The following ADCY1 variants were observed in gnomAD, a reference collection of about 807,000 sequenced individuals.
ADCY1 encodes adenylate cyclase type 1.
A neutral mutation model predicts 105.4 loss-of-function variants in ADCY1; 28 were observed. That is an observed-to-expected ratio of 0.27 (90% CI 0.20 to 0.36). The LOEUF is 0.36. Ranked by LOEUF, ADCY1 falls within the 10% of genes least tolerant of loss-of-function variation. The probability of loss-of-function intolerance (pLI) is 1.00; values close to 1 mark genes in which losing one functional copy is unlikely to be tolerated. For synonymous variants in ADCY1, 655 were observed against 623.8 expected, an observed-to-expected ratio of 1.05 and a Z score of -0.75; for missense variants, 977 against 1,434.2, an observed-to-expected ratio of 0.68 and a Z score of 5.15.
chr7:45,639,479 G>A (rs574635101), intron 4 of ADCY1, among the ~76,000 whole-genome samples: 27 of 152,278 alleles, frequency 1.8e-4, no homozygotes, highest in Non-Finnish European at 3.8e-4. Flanking sequence ...AAGACTGTGG[G>A]GCAGCATGGA....
intron 3 of ADCY1, among the ~76,000 whole-genome samples, chr7:45,611,081 G>GGGTGATGGTGGAGGTGGGGA (rs1793573935): frequency 6.2e-5 from 8 of 129,338 alleles, no homozygotes; most frequent in East Asian, 2.6e-4. Flanking sequence ...GGAGGTGTGG[G>GGGTGATGGTGGAGGTGGGGA]GGTGATGGTG....
At chr7:45,684,938 G>A in intron 11 of ADCY1, 41 bp from the exon 12 acceptor site, 1 of 1,561,020 alleles carries the variant, frequency 6.4e-7, no homozygotes, top group Non-Finnish European at 8.8e-7. Flanking sequence ...AATCACCTTG[G>A]TAATCAGAGG....
At position 45,686,434 on chromosome 7, in the gene ADCY1, G is replaced by A. The variant is rs1011161171; in HGVS notation, c.2328-113G>A. On this transcript the variant is annotated intron_variant, in intron 13 of 19. Coordinates refer to ENST00000297323, the MANE Select transcript of ADCY1 (RefSeq NM_021116.4). This position sits in a 1 kb window ranked among gnomAD's most constrained non-coding sequence, Gnocchi z 4.3. ...TGGCCAAGGTCAATCCCAGCAAGCT[G>A]TTTTTGGGTGTCACCACCTGAGGGT... 2 of 1,485,150 alleles carry A rather than the reference G, an allele frequency of 1.3e-6. No individual in the cohort carries two copies. The highest frequency in any genetic ancestry group is 2.8e-5 in the African/African-American group (2 of 71,322). 92.0% of individuals were successfully genotyped at this position (1,485,150 alleles called of 1,614,324 possible). A position where few individuals can be genotyped will look rare whatever the true frequency, so the allele number is the denominator to read the frequency against.
intron 8 of ADCY1, among the ~76,000 whole-genome samples, chr7:45,663,941 C>A (rs2461105): frequency 5.1e-4 from 77 of 152,294 alleles, no homozygotes; most frequent in African/African-American, 1.7e-3. Context: ...CGTGCTGTTG[C>A]GGGGAGAGGT....
At chr7:45,682,380 TGAGGTTTGCATGGCTAGGCCTGGA>T (rs1784576012) in intron 11 of ADCY1, among the ~76,000 whole-genome samples, 1 of 152,220 alleles carries the variant, frequency 6.6e-6, no homozygotes, top group African/African-American at 2.4e-5. Context: ...GGTTGCAGGC[TGAGGTTTGCATGGCTAGGCCTGGA>T]GAACATCAGG....
chr7:45,597,929 G>C (rs1584258233), intron 2 of ADCY1, among the ~76,000 whole-genome samples: 1 of 152,140 alleles, frequency 6.6e-6, no homozygotes, highest in Non-Finnish European at 1.5e-5. Flanking sequence ...CCTTTGGGGG[G>C]ATTTGAATGA....
chr7:45,622,818 C>T, intron 4 of ADCY1, 75 bp downstream of exon 4: 1 of 1,201,580 alleles, frequency 8.3e-7, no homozygotes, highest in Non-Finnish European at 1.2e-6. Context: ...GGTGGATTCC[C>T]TGTATTTGGA....
Position 45,597,487 on chromosome 7 carries a change from C to T in ADCY1, c.789+4579C>T, listed in dbSNP as rs184574965. Among the ~76,000 whole-genome samples, 301 of 152,308 alleles carry T rather than the reference C, an allele frequency of 2.0e-3. 1 individual carries two copies. Among genetic ancestry groups the T allele is most frequent in the African/African-American group, 6.7e-3 (279 of 41,564 alleles). ...GATGCCAGTGTTGGCTTTTACCAGCCGGGATGCATCCCTGGGTGCTCTGTG... is the reference window on the plus strand; with the variant it reads ...GATGCCAGTGTTGGCTTTTACCAGCTGGGATGCATCCCTGGGTGCTCTGTG... On this transcript the variant is annotated intron_variant, in intron 2 of 19. Coordinates refer to ENST00000297323, the MANE Select transcript of ADCY1 (RefSeq NM_021116.4).
At chr7:45,636,832 T>C (rs763658213) in intron 4 of ADCY1, among the ~76,000 whole-genome samples, 17 of 152,228 alleles carry the variant, frequency 1.1e-4, no homozygotes, top group Admixed American at 6.5e-5. Flanking sequence ...TGAGCCTCCA[T>C]ACCCAGCCTG....
chr7:45,599,276 C>T (rs928951092), intron 2 of ADCY1, among the ~76,000 whole-genome samples: 4 of 151,926 alleles, frequency 2.6e-5, no homozygotes, highest in East Asian at 3.9e-4. Context: ...AAAGTGGTGT[C>T]GGGGGCATCC....
At chr7:45,654,341 A>C (rs77737476) in intron 5 of ADCY1, among the ~76,000 whole-genome samples, 1,629 of 152,274 alleles carry the variant, frequency 0.011, 32 homozygotes, top group African/African-American at 0.037. Flanking sequence ...TGCTAAATAG[A>C]CTCAATCCAG....
chr7:45,602,421 AT>A (rs1793265163), intron 2 of ADCY1, among the ~76,000 whole-genome samples: 1 of 152,048 alleles, frequency 6.6e-6, no homozygotes, highest in African/African-American at 2.4e-5. Flanking sequence ...CTTCCATACT[AT>A]GGAGCTGGCC....
chr7:45,574,999 C>T lies in ADCY1; in HGVS notation c.456C>T (p.Ala152=), dbSNP rs1372568582. ...LGGPARGSAG[A]AGGPATAEQG... is the part of the protein sequence containing the mutation. ...GCCCCGCCCGGGGTTCCGCCGGGGC[C>T]GCTGGGGGGCCAGCGACCGCCGAAC... is the stretch of plus-strand genomic sequence containing the variant. Residue 152 remains alanine, a synonymous_variant, in exon 1 of 20, where the codon GCC becomes GCT. Transcript: ENST00000297323. The surrounding 1 kb of genome is among the most constrained non-coding windows in gnomAD (Gnocchi z 7.0). 1.2e-6 allele frequency: 2 copies of T among 1,610,946 alleles called. No individual in the cohort carries two copies. The highest frequency in any genetic ancestry group is 2.7e-5 in the African/African-American group (2 of 74,878).
intron 4 of ADCY1, among the ~76,000 whole-genome samples, chr7:45,628,270 C>G (rs942658987): frequency 6.6e-6 from 1 of 152,200 alleles, no homozygotes; most frequent in Admixed American, 6.5e-5. Context: ...CACTCTGACC[C>G]CATGGGTTTT....
intron 4 of ADCY1, among the ~76,000 whole-genome samples, chr7:45,641,895 C>T (rs546401342): frequency 3.4e-5 from 4 of 116,662 alleles, no homozygotes; most frequent in East Asian, 2.8e-4. Flanking sequence ...CACTGCAGTC[C>T]GCAGTCCGGC....
At chr7:45,707,170 A>T (rs552321520) in intron 17 of ADCY1, among the ~76,000 whole-genome samples, 1 of 152,336 alleles carries the variant, frequency 6.6e-6, no homozygotes, top group South Asian at 2.1e-4. Flanking sequence ...GTTAGACATA[A>T]TGTTACCATA....
chr7:45,619,403 G>A (rs886578937), intron 3 of ADCY1, among the ~76,000 whole-genome samples: 2 of 152,106 alleles, frequency 1.3e-5, no homozygotes, highest in African/African-American at 2.4e-5. Flanking sequence ...AAAATTGGAG[G>A]TGTTGGATAT....
chr7:45,629,060 C>A (rs899988800), intron 4 of ADCY1, among the ~76,000 whole-genome samples: 2 of 152,208 alleles, frequency 1.3e-5, no homozygotes, highest in African/African-American at 4.8e-5. Flanking sequence ...AGCATATCTT[C>A]CAGTGTTTCC....
chr7:45,610,743 G>A (rs56110540), intron 3 of ADCY1, among the ~76,000 whole-genome samples: 5 of 64,384 alleles, frequency 7.8e-5, no homozygotes, highest in Non-Finnish European at 1.7e-4. Context: ...GAGGTGGGGA[G>A]GTGATGATGG....
Sources: gnomAD v4.1 joint callset for allele counts (sites outside exome capture counted in the v4.1 genomes callset) on GRCh38, gnomAD v4.1.1 for gene constraint, Gnocchi (gnomAD v3.1) non-coding constraint, MANE v1.5 for transcripts, NCBI Gene and HGNC (gene_info 2026-07-23, HGNC 2026-07-21) for gene names.